GSE1: variants seen among roughly 807,000 people sequenced by gnomAD.
GSE1 encodes genetic suppressor element 1.
In GSE1, 32 loss-of-function variants were observed where a neutral mutation model predicts 112.6. The observed-to-expected ratio is 0.28, with a 90% CI of 0.21 to 0.38. The LOEUF is 0.38. Among genes scored for constraint, GSE1 ranks in the 10% least tolerant of loss-of-function variants. GSE1 has a pLI of 1.00. For missense variants in GSE1, 2,348 were observed against 1,699.2 expected (o/e 1.38, Z -6.71); for synonymous variants, 1,115 against 735.6 (o/e 1.52, Z -8.35).
chr16:85,657,186 G>C (rs1331044538), intron 7 of GSE1, 91 bp from the exon 8 acceptor site: 2 of 898,528 alleles, frequency 2.2e-6, no homozygotes, highest in African/African-American at 3.4e-5. Flanking sequence ...AAGGGCTCTG[G>C]TTTCTCTGGG....
chr16:85,558,924 C>G (rs914412064), intron 1 of GSE1, among the ~76,000 whole-genome samples: 3 of 151,586 alleles, frequency 2.0e-5, no homozygotes, highest in African/African-American at 7.3e-5. Flanking sequence ...GTGGTGTGAT[C>G]TCGGCTCACT....
chr16:85,188,575 G>T (rs1374872544), intron 1 of GSE1, among the ~76,000 whole-genome samples: 1 of 152,074 alleles, frequency 6.6e-6, no homozygotes, highest in Non-Finnish European at 1.5e-5. Context: ...GCTAAGGCAG[G>T]AGGATCACTT....
At chr16:85,333,128 C>T (rs943132676) in intron 1 of GSE1, among the ~76,000 whole-genome samples, 1 of 152,132 alleles carries the variant, frequency 6.6e-6, no homozygotes, top group Non-Finnish European at 1.5e-5. Context: ...GGGAGGTGGA[C>T]ACTGAGCTTC....
intron 2 of GSE1, among the ~76,000 whole-genome samples, chr16:85,397,437 C>T (rs1252965491): frequency 6.6e-6 from 1 of 152,252 alleles, no homozygotes; most frequent in Non-Finnish European, 1.5e-5. Flanking sequence ...CGTGTATCTC[C>T]TCGCATGGAC....
chr16:85,387,065 A>G (rs1183710667), intron 2 of GSE1, among the ~76,000 whole-genome samples: 2 of 152,192 alleles, frequency 1.3e-5, no homozygotes, highest in Non-Finnish European at 2.9e-5. Flanking sequence ...CTTGAAAGAC[A>G]GAAAGGAGTG....
chr16:85,367,850 T>TTA (rs912871436), intron 2 of GSE1, among the ~76,000 whole-genome samples: 14 of 149,476 alleles, frequency 9.4e-5, no homozygotes, highest in Non-Finnish European at 1.6e-4. Flanking sequence ...GATTCTTTTT[T>TTA]TTTTTTTTTT....
At chr16:85,440,740 C>T (rs548771193) in intron 2 of GSE1, among the ~76,000 whole-genome samples, 4 of 152,290 alleles carry the variant, frequency 2.6e-5, no homozygotes, top group East Asian at 1.9e-4. Context: ...GGGCACAGCG[C>T]GGCCTGGAAT....
At chr16:85,371,243 A>G (rs922747056) in intron 2 of GSE1, among the ~76,000 whole-genome samples, 2 of 152,154 alleles carry the variant, frequency 1.3e-5, no homozygotes, top group African/African-American at 4.8e-5. Flanking sequence ...GTGCTCATGG[A>G]CCAGAAGAGC....
intron 1 of GSE1, among the ~76,000 whole-genome samples, chr16:85,229,445 C>T (rs1025563134): frequency 6.6e-5 from 10 of 152,246 alleles, no homozygotes; most frequent in South Asian, 2.1e-4. Flanking sequence ...CCTCTCACTC[C>T]GCCCTGCCTT....
At position 85,666,213 on chromosome 16, in the gene GSE1, A is replaced by T. The variant is rs1428258133; in HGVS notation, c.2996A>T (p.Asp999Val). The change falls in exon 13 of 16, where the codon GAC (aspartate) becomes GTC (valine). Residue 999 changes from aspartate (D) to valine (V), a missense_variant. Transcript: ENST00000253458. ...TATATCCGGGGCGCTGCACCCAAGG[A>T]CATTCCTGTGCCGCTGTCCCACAGC... ...LHYIRGAAPK[D>V]IPVPLSHSTN... 1 of 1,613,694 alleles carries T rather than the reference A, an allele frequency of 6.2e-7. No homozygotes were observed. Among genetic ancestry groups the T allele is most frequent in the South Asian group, 1.1e-5 (1 of 91,088 alleles).
intron 2 of GSE1, among the ~76,000 whole-genome samples, chr16:85,542,389 A>C (rs1264071581): frequency 1.3e-5 from 2 of 152,140 alleles, no homozygotes; most frequent in African/African-American, 4.8e-5. Flanking sequence ...AGAGGAGGAG[A>C]CTGAAGGCCA....
chr16:85,593,796 T>C (rs1225895594), intron 1 of GSE1: 1 of 152,184 alleles, frequency 6.6e-6, no homozygotes, highest in African/African-American at 2.4e-5. Context: ...AGATAAATAA[T>C]TGGTTTGGCC....
chr16:85,361,094 GAC>G (rs2047063783), intron 2 of GSE1, among the ~76,000 whole-genome samples: 1 of 149,152 alleles, frequency 6.7e-6, no homozygotes, highest in South Asian at 2.1e-4. Context: ...CAAACACACA[GAC>G]ACACACGGGC....
At chr16:85,268,672 C>T (rs1908512621) in intron 1 of GSE1, among the ~76,000 whole-genome samples, 2 of 152,154 alleles carry the variant, frequency 1.3e-5, no homozygotes, top group African/African-American at 4.8e-5. Context: ...GCCCCTGGAG[C>T]CCCCCAAGGG....
chr16:85,340,447 CTGGCCAACA>C, intron 1 of GSE1, among the ~76,000 whole-genome samples: 1 of 152,160 alleles, frequency 6.6e-6, no homozygotes, highest in Non-Finnish European at 1.5e-5. Flanking sequence ...CGAAACCAGC[CTGGCCAACA>C]TGGTGAAACC....
chr16:85,627,738 A>AGGATAATGAATTTACATGAGC (rs2049196773), intron 1 of GSE1, among the ~76,000 whole-genome samples: 1 of 151,454 alleles, frequency 6.6e-6, no homozygotes, highest in East Asian at 1.9e-4. Context: ...CCCAGCTGTT[A>AGGATAATGAATTTACATGAGC]GGATAATGAA....
At chr16:85,244,750 G>T (rs1240100142) in intron 1 of GSE1, among the ~76,000 whole-genome samples, 2 of 152,086 alleles carry the variant, frequency 1.3e-5, no homozygotes, top group African/African-American at 4.8e-5. Flanking sequence ...CAGCACTTTG[G>T]GAGGCCGAGG....
chr16:85,219,302 C>T (rs2075354013), intron 1 of GSE1, among the ~76,000 whole-genome samples: 1 of 152,346 alleles, frequency 6.6e-6, no homozygotes, highest in South Asian at 2.1e-4. Flanking sequence ...GCGTGAGCCA[C>T]CGTGCCCGGC....
chr16:85,631,487 C>T (rs894053817), intron 1 of GSE1, among the ~76,000 whole-genome samples: 3 of 152,264 alleles, frequency 2.0e-5, no homozygotes, highest in African/African-American at 4.8e-5. Flanking sequence ...ACCATGTGCC[C>T]TCCCCATTGT....
Sources: allele counts gnomAD v4.1 joint callset (sites outside exome capture counted in the v4.1 genomes callset), GRCh38; gene constraint gnomAD v4.1.1; transcripts MANE v1.5; gene names NCBI Gene and HGNC (gene_info 2026-07-23, HGNC 2026-07-21).